PDE8B: variants seen among roughly 807,000 people sequenced by gnomAD.
PDE8B encodes phosphodiesterase 8B.
PDE8B carries 26 observed loss-of-function variants against 101.3 expected under a neutral mutation model. The observed-to-expected ratio is 0.26, with a 90% CI of 0.19 to 0.36. The LOEUF (loss-of-function observed/expected upper bound fraction) is 0.36, where lower values mean the gene tolerates loss of function less well. Among genes scored for constraint, PDE8B ranks in the 10% least tolerant of loss-of-function variants. The pLI, the probability that PDE8B is intolerant of heterozygous loss-of-function variation, is 1.00. For missense variants in PDE8B, 810 were observed against 1,163.1 expected (o/e 0.70, Z 4.42); for synonymous variants, 424 against 429.3 (o/e 0.99, Z 0.15).
At chr5:77,280,580 A>G (rs1764767575) in intron 1 of PDE8B, among the ~76,000 whole-genome samples, 1 of 152,156 alleles carries the variant, frequency 6.6e-6, no homozygotes, top group Non-Finnish European at 1.5e-5. Flanking sequence ...TTTTTTTCCT[A>G]ATCTCTTTAC....
chr5:77,307,681 A>G (rs1044719305), intron 1 of PDE8B, among the ~76,000 whole-genome samples: 3 of 152,132 alleles, frequency 2.0e-5, no homozygotes, highest in African/African-American at 7.2e-5. Flanking sequence ...ACACATGTAC[A>G]CACAAATATT....
At chr5:77,159,244 A>G in the PDE8B span, among the ~76,000 whole-genome samples, 1 of 152,184 alleles carries the variant, frequency 6.6e-6, no homozygotes, top group Admixed American at 6.5e-5. Context: ...GGATTGAAGG[A>G]TACAAGTATT....
intron 1 of PDE8B, among the ~76,000 whole-genome samples, chr5:77,289,608 G>A (rs576820059): frequency 1.3e-5 from 2 of 152,288 alleles, no homozygotes; most frequent in South Asian, 2.1e-4. Context: ...ACTTATGTGC[G>A]ACCTTGGACA....
chr5:77,409,007 A>G lies in PDE8B; in HGVS notation c.1480A>G (p.Thr494Ala). ...AGAACTGTACTCCCCTCAGCTGGGTACCAAAGATGAAGATCCCCACACCAG... is the reference window on the plus strand; with the variant it reads ...AGAACTGTACTCCCCTCAGCTGGGTGCCAAAGATGAAGATCCCCACACCAG... ...TTELYSPQLG[T>A]KDEDPHTSDL... Residue 494 changes from threonine (T) to alanine (A), a missense_variant, in exon 14 of 22, where the codon ACC (threonine) becomes GCC (alanine). Transcript: ENST00000264917. The G allele has an allele frequency of 4.3e-6, 7 of 1,613,906 alleles. No homozygotes were observed. Among genetic ancestry groups the G allele is most frequent in the Non-Finnish European group, 5.9e-6 (7 of 1,179,768 alleles).
intron 1 of PDE8B, among the ~76,000 whole-genome samples, chr5:77,287,936 T>A (rs1057103876): frequency 3.3e-5 from 5 of 152,238 alleles, no homozygotes; most frequent in Admixed American, 6.5e-5. Flanking sequence ...TTAATGTTTT[T>A]TCCCTCTCTT....
chr5:77,361,966 C>T (rs892742443), intron 10 of PDE8B, among the ~76,000 whole-genome samples: 9 of 152,140 alleles, frequency 5.9e-5, no homozygotes, highest in Non-Finnish European at 7.3e-5. Flanking sequence ...GCTATATAGA[C>T]TCTACAACCA....
the PDE8B span, among the ~76,000 whole-genome samples, chr5:77,191,479 A>G: frequency 1.3e-5 from 2 of 151,794 alleles, no homozygotes; most frequent in African/African-American, 4.8e-5. Flanking sequence ...CAGCCTCCCG[A>G]GTAGCTGGGA....
At chr5:77,218,577 G>C (rs1211292522) in intron 1 of PDE8B, among the ~76,000 whole-genome samples, 1 of 152,196 alleles carries the variant, frequency 6.6e-6, no homozygotes, top group Non-Finnish European at 1.5e-5. Context: ...ACAGGCAGAG[G>C]GAAGGGGAGC....
chr5:77,291,007 G>A, intron 1 of PDE8B: 2 of 1,612,176 alleles, frequency 1.2e-6, no homozygotes, highest in African/African-American at 2.7e-5. Context: ...TTCACCGGGA[G>A]CACTCAGGTG....
chr5:77,301,125 G>T (rs2150036335), intron 1 of PDE8B, among the ~76,000 whole-genome samples: 1 of 152,296 alleles, frequency 6.6e-6, no homozygotes, highest in East Asian at 1.9e-4. Flanking sequence ...AGTGTGGTTG[G>T]ATTCTTGATG....
chr5:77,127,427 G>C, the PDE8B span, among the ~76,000 whole-genome samples: 1 of 152,138 alleles, frequency 6.6e-6, no homozygotes, highest in Non-Finnish European at 1.5e-5. Context: ...CACCATGATT[G>C]TAAGTTTCCT....
At chr5:77,394,246 C>G (rs762038804) in intron 10 of PDE8B, among the ~76,000 whole-genome samples, 1 of 152,196 alleles carries the variant, frequency 6.6e-6, no homozygotes, top group Non-Finnish European at 1.5e-5. Flanking sequence ...CCAAGCAGCT[C>G]TTAGTCAGGT....
intron 6 of PDE8B, among the ~76,000 whole-genome samples, chr5:77,341,875 T>A (rs1779266895): frequency 1.3e-5 from 2 of 152,236 alleles, no homozygotes; most frequent in African/African-American, 4.8e-5. Flanking sequence ...TTAGGTAGAC[T>A]GGAGCAATTT....
chr5:77,131,969 A>G, the PDE8B span, among the ~76,000 whole-genome samples: 4 of 152,194 alleles, frequency 2.6e-5, no homozygotes, highest in African/African-American at 9.7e-5. Flanking sequence ...AAATATATGC[A>G]AATGTGTTTT....
At chr5:77,216,493 A>G (rs1307584286) in intron 1 of PDE8B, among the ~76,000 whole-genome samples, 1 of 152,192 alleles carries the variant, frequency 6.6e-6, no homozygotes, top group Non-Finnish European at 1.5e-5. Flanking sequence ...TCATGAGAAC[A>G]GTAAGGGGGG....
At chr5:77,099,923 T>C in the PDE8B span, among the ~76,000 whole-genome samples, 1 of 152,226 alleles carries the variant, frequency 6.6e-6, no homozygotes, top group African/African-American at 2.4e-5. Context: ...GGTGACCTTT[T>C]CTATGTCACT....
At chr5:77,369,265 A>G (rs1429704172) in intron 10 of PDE8B, among the ~76,000 whole-genome samples, 1 of 151,628 alleles carries the variant, frequency 6.6e-6, no homozygotes, top group East Asian at 1.9e-4. Context: ...CAAAACATTA[A>G]CCAGAATGTT....
At chr5:77,324,452 G>A (rs1034296194) in intron 2 of PDE8B, among the ~76,000 whole-genome samples, 4 of 152,136 alleles carry the variant, frequency 2.6e-5, no homozygotes, top group African/African-American at 9.7e-5. Context: ...ATGAGCTCAG[G>A]TGGTGGTAGG....
intron 10 of PDE8B, among the ~76,000 whole-genome samples, chr5:77,375,563 C>A (rs1323052713): frequency 6.6e-6 from 1 of 152,152 alleles, no homozygotes; most frequent in East Asian, 1.9e-4. Context: ...GCATTTGCTG[C>A]CACCTGTGCC....
Sources: gnomAD v4.1 joint callset for allele counts (sites outside exome capture counted in the v4.1 genomes callset) on GRCh38, gnomAD v4.1.1 for gene constraint, MANE v1.5 for transcripts, NCBI Gene and HGNC (gene_info 2026-07-23, HGNC 2026-07-21) for gene names.